Variants in ATXN10 observed in about 807,000 individuals in gnomAD.
ATXN10 encodes the protein ataxin-10.
Under a neutral mutation model 52.9 loss-of-function variants are expected in ATXN10, and 28 were observed. The observed-to-expected ratio is 0.53, with a 90% CI of 0.39 to 0.73. ATXN10 has a LOEUF of 0.73. Ranked by LOEUF, ATXN10 falls within the 30% of genes least tolerant of loss-of-function variation. ATXN10 has a pLI of 0.00. For missense variants in ATXN10, 565 were observed against 577.0 expected, an observed-to-expected ratio of 0.98 and a Z score of 0.21; for synonymous variants, 226 against 221.5, an observed-to-expected ratio of 1.02 and a Z score of -0.18.
chr22:45,682,343 G>A (rs537639831), intron 1 of ATXN10, among the ~76,000 whole-genome samples: 2 of 151,680 alleles, frequency 1.3e-5, no homozygotes, highest in Admixed American at 6.6e-5. Context: ...TTGAGACAGG[G>A]TCTCGCTCTG....
chr22:45,675,772 A>G (rs1922661350), intron 1 of ATXN10: 1 of 152,268 alleles, frequency 6.6e-6, no homozygotes, highest in African/African-American at 2.4e-5. Flanking sequence ...GTAGCAATAC[A>G]TCATTAATAC....
At position 45,764,064 on chromosome 22, in the gene ATXN10, G is replaced by A. The variant is rs9614775; in HGVS notation, c.1173+23526G>A. ...CTCTGCTTCTCCCTGATCCTGCAGC[G>A]TGTGCTTGAAATCCTTCCTCACGGT... On this transcript the variant is annotated intron_variant, in intron 9 of 11. Coordinates refer to ENST00000252934, the MANE Select transcript of ATXN10 (RefSeq NM_013236.4). 2.6e-3 allele frequency among the ~76,000 whole-genome samples: 401 copies of A among 152,320 alleles called. 3 individuals carry two copies. The highest frequency in any genetic ancestry group is 5.0e-3 in the Admixed American group (77 of 15,310).
rs1433527741 is a variant in ATXN10 at position 45,819,604 on chromosome 22, C to A, written c.1237+12582C>A. On this transcript the variant is annotated intron_variant, in intron 10 of 11. Coordinates refer to ENST00000252934, the MANE Select transcript of ATXN10 (RefSeq NM_013236.4). The surrounding 1 kb of genome is among the most constrained non-coding windows in gnomAD (Gnocchi z 4.5). ...CAGCAGTCCCATGCAGGAAGCTTTA[C>A]CTTCAGGAAAGCTGCTGGATTGAGA... 8.5e-5 allele frequency among the ~76,000 whole-genome samples: 13 copies of A among 152,206 alleles called. No homozygotes were observed. Among genetic ancestry groups the A allele is most frequent in the Admixed American group, 8.5e-4 (13 of 15,280 alleles).
rs200658716 is a variant in ATXN10 at position 45,726,300 on chromosome 22, G to GT, written c.729-3118dup. On this transcript the variant is annotated intron_variant, in intron 6 of 11. Transcript: ENST00000252934. ...GTATCCGTCTGGCCCTGGGTTTTTT[G>GT]TTTTTTTGGCAATTTTTGTTATTGA... 5.6e-3 allele frequency among the ~76,000 whole-genome samples: 848 copies of GT among 151,920 alleles called. 10 individuals are homozygous for GT. The highest frequency in any genetic ancestry group is 0.02 in the African/African-American group (808 of 41,422).
rs1256343798 is a variant in ATXN10 at position 45,672,160 on chromosome 22, T to C, written c.97T>C (p.Phe33Leu). The stretch of plus-strand genomic sequence containing the variant: ...GGCCCTGCGCGCGCTCACGGCGCTC[T>C]TCAAAGAGCAGCGGAACCGGTAACG... ...LEALRALTAL[F>L]KEQRNRETAP... is the part of the protein sequence containing the mutation. The change falls in exon 1 of 12, where the codon TTC (phenylalanine) becomes CTC (leucine). Residue 33 changes from phenylalanine to leucine, a missense_variant. Phe to Leu is a conservative substitution (Grantham distance 22, BLOSUM62 0). Transcript: ENST00000252934. 2 of 1,537,454 alleles carry C rather than the reference T, an allele frequency of 1.3e-6. No homozygotes were observed. Among genetic ancestry groups the C allele is most frequent in the Middle Eastern group, 1.9e-4 (1 of 5,272 alleles).
chr22:45,671,925 C>G lies in ATXN10; in HGVS notation c.-139C>G. 2.2e-6 allele frequency: 2 copies of G among 922,948 alleles called. No homozygotes were observed. Among genetic ancestry groups the G allele is most frequent in the Non-Finnish European group, 3.1e-6 (2 of 635,372 alleles). The allele number at this position is 922,948 out of a possible 1,614,324, so 57.2% of individuals were successfully genotyped here. On this transcript the variant is annotated 5_prime_UTR_variant, in exon 1 of 12. Coordinates refer to ENST00000252934, the MANE Select transcript of ATXN10 (RefSeq NM_013236.4). ...TTCAGGGCAGCGCGGGCTGCAGCGG[C>G]GGCGGCGGTTAGGGCTGTGTAGGGC...
intron 1 of ATXN10, among the ~76,000 whole-genome samples, chr22:45,682,139 A>G (rs914784975): frequency 2.6e-5 from 4 of 152,184 alleles, no homozygotes; most frequent in African/African-American, 7.2e-5. Flanking sequence ...TAATTTTTCC[A>G]TACTAAGAAA....
intron 1 of ATXN10, chr22:45,673,180 C>G (rs954612178): frequency 6.6e-6 from 1 of 152,130 alleles, no homozygotes; most frequent in African/African-American, 2.4e-5. Flanking sequence ...TGGTAGTTAC[C>G]CATGTATCAG....
intron 7 of ATXN10, among the ~76,000 whole-genome samples, chr22:45,734,569 T>C (rs1170605643): frequency 1.3e-5 from 2 of 150,390 alleles, no homozygotes; most frequent in African/African-American, 4.9e-5. Flanking sequence ...GCCAAGAAGA[T>C]TTTTGTTTGT....
At chr22:45,707,406 G>T (rs1161703380) in intron 5 of ATXN10, among the ~76,000 whole-genome samples, 1 of 151,908 alleles carries the variant, frequency 6.6e-6, no homozygotes, top group African/African-American at 2.4e-5. Flanking sequence ...ACAGAAGTTG[G>T]TACATACAAT....
At chr22:45,827,501 G>C (rs1275808518) in intron 10 of ATXN10, among the ~76,000 whole-genome samples, 3 of 152,136 alleles carry the variant, frequency 2.0e-5, no homozygotes, top group Non-Finnish European at 1.5e-5. Context: ...GAGAGCAGAC[G>C]TGACTAATAT....
intron 10 of ATXN10, among the ~76,000 whole-genome samples, chr22:45,838,601 C>T (rs960996432): frequency 2.0e-5 from 3 of 152,208 alleles, no homozygotes; most frequent in African/African-American, 7.2e-5. Context: ...TTCTTTCTCT[C>T]TGTCCCTTTA....
At chr22:45,697,147 T>A (rs1923641539) in intron 3 of ATXN10, among the ~76,000 whole-genome samples, 1 of 152,192 alleles carries the variant, frequency 6.6e-6, no homozygotes, top group Non-Finnish European at 1.5e-5. Flanking sequence ...AAAAATTTTT[T>A]TTTTTGAGAC....
chr22:45,720,688 A>G (rs1055611115), intron 6 of ATXN10, among the ~76,000 whole-genome samples: 1 of 152,204 alleles, frequency 6.6e-6, no homozygotes, highest in Non-Finnish European at 1.5e-5. Context: ...GAAAAGAGGA[A>G]GTTTGGGCAA....
At chr22:45,829,353 A>C (rs1037815571) in intron 10 of ATXN10, among the ~76,000 whole-genome samples, 4 of 152,182 alleles carry the variant, frequency 2.6e-5, no homozygotes, top group African/African-American at 9.7e-5. Flanking sequence ...CATCACTTTT[A>C]TTCAATATCT....
At chr22:45,782,210 C>G (rs540424826) in intron 9 of ATXN10, among the ~76,000 whole-genome samples, 80 of 152,288 alleles carry the variant, frequency 5.3e-4, no homozygotes, top group African/African-American at 1.8e-3. Flanking sequence ...TGACTCGGGC[C>G]TATTGGCCTT....
rs767008265 is a variant in ATXN10 at position 45,828,879 on chromosome 22, TGAG to T, written c.1238-14108_1238-14106del. Among the ~76,000 whole-genome samples, 8 of 152,122 alleles carry T rather than the reference TGAG, an allele frequency of 5.3e-5. No homozygotes were observed. The highest frequency in any genetic ancestry group is 1.9e-4 in the East Asian group (1 of 5,196). On this transcript the variant is annotated intron_variant, in intron 10 of 11. Coordinates refer to ENST00000252934, the MANE Select transcript of ATXN10 (RefSeq NM_013236.4). This position sits in a 1 kb window ranked among gnomAD's most constrained non-coding sequence, Gnocchi z 4.5. ...CCTTCTCAAACTTTTCCAAAAAAAT[TGAG>T]GAGAAGAGAACACTTCCTAACTCAT...
rs1307932260 is a variant in ATXN10 at position 45,705,668 on chromosome 22, T to C, written c.647+2821T>C. ...CCAGGTTGGTATTGAACTCCTAATC[T>C]CATGAGCCACCTGCCTCAGCCTCCC... On this transcript the variant is annotated intron_variant, in intron 5 of 11. Transcript: ENST00000252934. This position sits in a 1 kb window ranked among gnomAD's most constrained non-coding sequence, Gnocchi z 5.2. 6.6e-6 allele frequency among the ~76,000 whole-genome samples: 1 copy of C among 152,128 alleles called. No individual in the cohort carries two copies. The highest frequency in any genetic ancestry group is 6.5e-5 in the Admixed American group (1 of 15,276).
chr22:45,684,392 G>A lies in ATXN10; in HGVS notation c.117-5320G>A, dbSNP rs73886491. 5.4e-3 allele frequency among the ~76,000 whole-genome samples: 827 copies of A among 152,256 alleles called. 11 individuals carry two copies. Among genetic ancestry groups the A allele is most frequent in the African/African-American group, 0.019 (788 of 41,556 alleles). ...ACTGGTATGTTTGGAGCCCTTTAAA[G>A]CAGGGGTTGCCAGACCATGGCCAGA... On this transcript the variant is annotated intron_variant, in intron 1 of 11. Coordinates refer to ENST00000252934, the MANE Select transcript of ATXN10 (RefSeq NM_013236.4). This position sits in a 1 kb window ranked among gnomAD's most constrained non-coding sequence, Gnocchi z 4.1.
Sources: allele counts gnomAD v4.1 joint callset (sites outside exome capture counted in the v4.1 genomes callset), GRCh38; gene constraint gnomAD v4.1.1; non-coding constraint Gnocchi (gnomAD v3.1); transcripts MANE v1.5; gene names NCBI Gene and HGNC (gene_info 2026-07-23, HGNC 2026-07-21).